Variants in SOCS2 observed in about 807,000 individuals in gnomAD.
SOCS2 encodes the protein suppressor of cytokine signaling 2.
A neutral mutation model predicts 18.6 loss-of-function variants in SOCS2; 10 were observed. That is an observed-to-expected ratio of 0.54 (90% CI 0.33 to 0.91). The LOEUF (loss-of-function observed/expected upper bound fraction) is 0.91, where lower values mean the gene tolerates loss of function less well. Ranked by LOEUF, SOCS2 falls within the 40% of genes least tolerant of loss-of-function variation. The pLI, the probability that SOCS2 is intolerant of heterozygous loss-of-function variation, is 0.02. For synonymous variants in SOCS2, 104 were observed against 104.0 expected (o/e 1.00, Z 0.00); for missense variants, 231 against 247.2 (o/e 0.93, Z 0.44).
At chr12:93,614,203 T>C in the SOCS2 span, among the ~76,000 whole-genome samples, 3 of 152,186 alleles carry the variant, frequency 2.0e-5, no homozygotes, top group Non-Finnish European at 4.4e-5. Context: ...GAATACTTCT[T>C]ATTTCTCATC....
the SOCS2 span, among the ~76,000 whole-genome samples, chr12:93,626,125 T>C: frequency 6.6e-6 from 1 of 152,166 alleles, no homozygotes; most frequent in Non-Finnish European, 1.5e-5. Context: ...CTTAGATCTT[T>C]CTGGGGTGTA....
rs369956395 is a variant in SOCS2, at chr12:93,574,561, AG to A, written c.140-160del. 166 of 466,172 alleles carry A rather than the reference AG, an allele frequency of 3.6e-4. 2 individuals carry two copies. The East Asian group carries it at 5.0e-3, about 14-fold the overall frequency. 28.9% of individuals were successfully genotyped at this position (466,172 alleles called of 1,614,324 possible). ...AAATTTTTATTAAATTCCTACTGAAAGTATTTGTGGTGGCCCGGTAAACTTT... is the reference window on the plus strand; with the variant it reads ...AAATTTTTATTAAATTCCTACTGAAATATTTGTGGTGGCCCGGTAAACTTT... On this transcript the variant is annotated intron_variant, in intron 1 of 1. Transcript: ENST00000551556.
the SOCS2 span, among the ~76,000 whole-genome samples, chr12:93,620,259 T>C: frequency 6.6e-6 from 1 of 152,356 alleles, no homozygotes; most frequent in East Asian, 1.9e-4. Flanking sequence ...TTACACATAA[T>C]TTGTAAACAA....
the SOCS2 span, among the ~76,000 whole-genome samples, chr12:93,614,393 CTTTCTTTCTTT>C: frequency 2.1e-5 from 3 of 140,318 alleles, 1 homozygote. Context: ...TTCTTTCTTT[CTTTCTTTCTTT>C]CTTTCTTTCT....
the SOCS2 span, among the ~76,000 whole-genome samples, chr12:93,606,615 T>C: frequency 6.6e-6 from 1 of 152,132 alleles, no homozygotes; most frequent in African/African-American, 2.4e-5. Flanking sequence ...GCAAGGCACT[T>C]TGTGGTGTGT....
chr12:93,600,175 A>T, the SOCS2 span, among the ~76,000 whole-genome samples: 3,603 of 152,222 alleles, frequency 0.024, 148 homozygotes, highest in African/African-American at 0.081. Flanking sequence ...GTATAGATTT[A>T]AAAAAAATTA....
chr12:93,588,593 TGA>T, the SOCS2 span, among the ~76,000 whole-genome samples: 12 of 149,930 alleles, frequency 8.0e-5, no homozygotes, highest in African/African-American at 1.2e-4. Context: ...GAAGAATTTG[TGA>T]GAAATTCTGG....
chr12:93,571,720 C>T (rs868011931), upstream of SOCS2: 48 of 292,722 alleles, frequency 1.6e-4, no homozygotes, highest in African/African-American at 1.0e-3. Flanking sequence ...CCGACCGCCG[C>T]CTCCGAGCGC....
chr12:93,573,120 C>CAAAG lies in SOCS2; in HGVS notation c.139+87_139+90dup, dbSNP rs968720689. The CAAAG allele has an allele frequency of 8.7e-6, 13 of 1,496,976 alleles. No individual in the cohort carries two copies. In the African/African-American group the frequency reaches 9.7e-5, roughly 11 times the overall value. 92.7% of individuals were successfully genotyped at this position (1,496,976 alleles called of 1,614,324 possible). A position where few individuals can be genotyped will look rare whatever the true frequency, so the allele number is the denominator to read the frequency against. On this transcript the variant is annotated intron_variant, in intron 1 of 1. Transcript: ENST00000551556. ...TAGGAAGCGGGGTCGAGGTGGGAAG[C>CAAAG]AAAGAATAAGATGGAAATACGTCCC...
chr12:93,618,612 C>T, the SOCS2 span, among the ~76,000 whole-genome samples: 4 of 152,290 alleles, frequency 2.6e-5, no homozygotes, highest in South Asian at 8.3e-4. Flanking sequence ...ATGTATGCCT[C>T]TACTGCCTAA....
the SOCS2 span, among the ~76,000 whole-genome samples, chr12:93,597,398 C>A: frequency 6.6e-6 from 1 of 152,078 alleles, no homozygotes; most frequent in Non-Finnish European, 1.5e-5. Context: ...ACTGCAAAAC[C>A]TCCTTCTCCT....
chr12:93,614,542 T>C, the SOCS2 span, among the ~76,000 whole-genome samples: 6 of 30,442 alleles, frequency 2.0e-4, no homozygotes, highest in South Asian at 1.4e-3. Context: ...CTTCCTTCCT[T>C]CTTTCTTTCT....
At chr12:93,582,795 C>T (rs1731268064) in intron 1 of SOCS2, among the ~76,000 whole-genome samples, 1 of 152,066 alleles carries the variant, frequency 6.6e-6, no homozygotes, top group African/African-American at 2.4e-5. Flanking sequence ...AGCCTGGAGC[C>T]TTCAGGATTT....
downstream of SOCS2, among the ~76,000 whole-genome samples, chr12:93,578,312 T>G (rs987787295): frequency 2.6e-5 from 4 of 152,186 alleles, no homozygotes; most frequent in African/African-American, 9.7e-5. Context: ...TTTAGAAAAT[T>G]GTACCCTGTT....
downstream of SOCS2, among the ~76,000 whole-genome samples, chr12:93,577,539 C>T (rs1259202364): frequency 6.7e-5 from 10 of 149,958 alleles, no homozygotes; most frequent in African/African-American, 2.5e-4. Flanking sequence ...TTTTTTCCCC[C>T]GGGAGAGGAA....
At chr12:93,584,678 T>C (rs961765073), downstream of SOCS2, among the ~76,000 whole-genome samples, 2 of 152,200 alleles carry the variant, frequency 1.3e-5, no homozygotes, top group Non-Finnish European at 2.9e-5. Context: ...ATTGGGACTT[T>C]GATTTCAGAA....
At chr12:93,585,424 C>T (rs530657630), downstream of SOCS2, among the ~76,000 whole-genome samples, 1 of 152,200 alleles carries the variant, frequency 6.6e-6, no homozygotes, top group African/African-American at 2.4e-5. Context: ...CACTTCTGCT[C>T]CTGACAGATT....
chr12:93,606,251 G>A, the SOCS2 span, among the ~76,000 whole-genome samples: 1 of 152,186 alleles, frequency 6.6e-6, no homozygotes, highest in African/African-American at 2.4e-5. Flanking sequence ...ATGGATGGCA[G>A]CCATAAAAAT....
the SOCS2 span, among the ~76,000 whole-genome samples, chr12:93,614,488 C>CTTCCT: frequency 3.5e-5 from 1 of 28,684 alleles, no homozygotes; most frequent in Non-Finnish European, 5.8e-5. Flanking sequence ...CCTTTCCTTC[C>CTTCCT]TTCCTTCCTT....
Sources: gnomAD v4.1 joint callset for allele counts (sites outside exome capture counted in the v4.1 genomes callset) on GRCh38, gnomAD v4.1.1 for gene constraint, MANE v1.5 for transcripts, NCBI Gene and HGNC (gene_info 2026-07-23, HGNC 2026-07-21) for gene names.